Variants in SCP2 observed in about 807,000 individuals in gnomAD.
SCP2 encodes sterol carrier protein 2.
In SCP2, 48 loss-of-function variants were observed where a neutral mutation model predicts 71.4. That is an observed-to-expected ratio of 0.67 (90% CI 0.53 to 0.86). The LOEUF is 0.86. SCP2 is among the 40% of genes least tolerant of loss of function. SCP2 has a pLI of 0.00. For missense variants in SCP2, 560 were observed against 655.6 expected (o/e 0.85, Z 1.59); for synonymous variants, 220 against 218.1 (o/e 1.01, Z -0.08).
At chr1:53,023,246 A>G (rs1214976567) in intron 12 of SCP2, among the ~76,000 whole-genome samples, 3 of 152,198 alleles carry the variant, frequency 2.0e-5, no homozygotes, top group Non-Finnish European at 4.4e-5. Flanking sequence ...TAAAAGACAC[A>G]CCTGTGACCT....
At chr1:53,035,180 T>A (rs879434435) in intron 13 of SCP2, among the ~76,000 whole-genome samples, 22 of 151,664 alleles carry the variant, frequency 1.5e-4, no homozygotes, top group Non-Finnish European at 3.1e-4. Flanking sequence ...TATGTAAGGC[T>A]GAAATAAAGA....
chr1:53,037,968 C>CACACAGATCCAGATCCTGTCTCTAT (rs1557628043), intron 13 of SCP2, among the ~76,000 whole-genome samples: 1 of 124,704 alleles, frequency 8.0e-6, no homozygotes. Context: ...CACACACACA[C>CACACAGATCCAGATCCTGTCTCTAT]ACACACACAC....
intron 11 of SCP2, among the ~76,000 whole-genome samples, chr1:53,004,964 C>T (rs1422634892): frequency 1.3e-5 from 2 of 152,204 alleles, no homozygotes; most frequent in African/African-American, 2.4e-5. Flanking sequence ...AAATGGCACA[C>T]CAGGAGATTA....
At chr1:53,014,171 C>T (rs1035242058) in intron 11 of SCP2, among the ~76,000 whole-genome samples, 1 of 151,400 alleles carries the variant, frequency 6.6e-6, no homozygotes, top group African/African-American at 2.4e-5. Flanking sequence ...TCCCAAAGTG[C>T]TGGGATTACA....
intron 6 of SCP2, among the ~76,000 whole-genome samples, chr1:52,964,828 C>T (rs2150148214): frequency 6.6e-6 from 1 of 152,214 alleles, no homozygotes; most frequent in African/African-American, 2.4e-5. Flanking sequence ...GCCTGGCCAA[C>T]ATGGTGAAAC....
At chr1:53,024,506 T>A (rs191311813) in intron 12 of SCP2, among the ~76,000 whole-genome samples, 4,278 of 152,234 alleles carry the variant, frequency 0.028, 97 homozygotes, top group Middle Eastern at 0.068. Flanking sequence ...AAAATATTTT[T>A]TAAAAGTTAT....
At chr1:52,951,955 G>T (rs1655358053) in intron 4 of SCP2, among the ~76,000 whole-genome samples, 1 of 152,060 alleles carries the variant, frequency 6.6e-6, no homozygotes, top group East Asian at 1.9e-4. Flanking sequence ...CTGACCTCAA[G>T]TGATGTGCTC....
At chr1:52,959,656 A>T (rs1326305826) in intron 5 of SCP2, among the ~76,000 whole-genome samples, 2 of 151,896 alleles carry the variant, frequency 1.3e-5, no homozygotes, top group Non-Finnish European at 2.9e-5. Flanking sequence ...TTGATAGTTT[A>T]TGTCCTTCAC....
chr1:52,973,666 C>T (rs548152393), intron 6 of SCP2, among the ~76,000 whole-genome samples: 8 of 152,250 alleles, frequency 5.3e-5, no homozygotes, highest in Admixed American at 1.3e-4. Context: ...CTCCGTCTTC[C>T]GGGTTCAAGT....
At chr1:52,955,235 G>A (rs1655689994) in intron 5 of SCP2, among the ~76,000 whole-genome samples, 1 of 152,200 alleles carries the variant, frequency 6.6e-6, no homozygotes, top group South Asian at 2.1e-4. Flanking sequence ...GCAAGAGAGA[G>A]GAACTGCAGA....
intron 13 of SCP2, among the ~76,000 whole-genome samples, chr1:53,038,154 AG>A (rs1194025137): frequency 6.6e-6 from 1 of 151,730 alleles, no homozygotes; most frequent in Non-Finnish European, 1.5e-5. Flanking sequence ...TCAAAAAAAA[AG>A]AAAAAAAACC....
At chr1:53,039,073 G>C (rs755195435) in intron 14 of SCP2, 27 bp downstream of exon 14, 1 of 1,613,892 alleles carries the variant, frequency 6.2e-7, no homozygotes. Context: ...CTTCATTCTA[G>C]GAGCACTGAC....
chr1:52,969,819 T>TCAAACAAACAAA (rs75238032), intron 6 of SCP2, among the ~76,000 whole-genome samples: 14 of 150,156 alleles, frequency 9.3e-5, no homozygotes, highest in African/African-American at 3.4e-4. Context: ...AGACTCCATC[T>TCAAACAAACAAA]CAAACAAACA....
rs539078733 is a variant in SCP2 at position 53,009,084 on chromosome 1, C to T, written c.1082-5806C>T. On this transcript the variant is annotated intron_variant, in intron 11 of 15. Transcript: ENST00000371514. ...CAACTTACAAGGGATGTGAAGGACCCCTTCAAGGAGAACTACAAACCACTG... is the reference window on the plus strand; with the variant it reads ...CAACTTACAAGGGATGTGAAGGACCTCTTCAAGGAGAACTACAAACCACTG... 2.6e-5 allele frequency among the ~76,000 whole-genome samples: 4 copies of T among 152,056 alleles called. No homozygotes were observed. The East Asian group carries it at 7.7e-4, about 29-fold the overall frequency.
chr1:53,023,087 A>G (rs141134242), intron 12 of SCP2, among the ~76,000 whole-genome samples: 1 of 152,314 alleles, frequency 6.6e-6, no homozygotes, highest in East Asian at 1.9e-4. Flanking sequence ...AAGTTGATAT[A>G]TTCAGTTTTC....
chr1:53,015,575 A>G lies in SCP2; in HGVS notation c.1235+532A>G, dbSNP rs116691776. ...ACTCCCTTGCTTATCTCTCAAAGAA[A>G]TGTTCCTCCCCAGAGGAAAAAAGCG... On this transcript the variant is annotated intron_variant, in intron 12 of 15. Transcript: ENST00000371514. Among the ~76,000 whole-genome samples the G allele has an allele frequency of 6.2e-3, 950 of 152,264 alleles. 16 individuals carry two copies. The highest frequency in any genetic ancestry group is 0.022 in the African/African-American group (913 of 41,554).
chr1:53,007,488 C>T (rs183320578), intron 11 of SCP2, among the ~76,000 whole-genome samples: 1,540 of 152,252 alleles, frequency 0.01, 33 homozygotes, highest in African/African-American at 0.035. Flanking sequence ...CAAAACCGCT[C>T]AACTACATGG....
chr1:53,020,819 C>A (rs893478755), intron 12 of SCP2, among the ~76,000 whole-genome samples: 1 of 152,118 alleles, frequency 6.6e-6, no homozygotes, highest in East Asian at 1.9e-4. Flanking sequence ...GTGATGGACC[C>A]ATGTGCCTGC....
chr1:52,982,414 C>A (rs1188326881), intron 10 of SCP2, among the ~76,000 whole-genome samples: 1 of 151,948 alleles, frequency 6.6e-6, no homozygotes, highest in Non-Finnish European at 1.5e-5. Context: ...ACTAAAAATA[C>A]AAAAAATTAG....
Sources: allele counts gnomAD v4.1 joint callset (sites outside exome capture counted in the v4.1 genomes callset), GRCh38; gene constraint gnomAD v4.1.1; transcripts MANE v1.5; gene names NCBI Gene and HGNC (gene_info 2026-07-23, HGNC 2026-07-21).